BTG4: variants seen among roughly 807,000 people sequenced by gnomAD.
BTG4 encodes the protein protein BTG4.
In BTG4, 10 loss-of-function variants were observed where a neutral mutation model predicts 19.3. The observed-to-expected ratio is 0.52, with a 90% confidence interval of 0.32 to 0.88. BTG4 has a LOEUF of 0.88. BTG4 is among the 40% of genes least tolerant of loss of function. The probability of loss-of-function intolerance (pLI) is 0.04; values close to 1 mark genes in which losing one functional copy is unlikely to be tolerated. For missense variants in BTG4, 238 were observed against 281.9 expected, an observed-to-expected ratio of 0.84 and a Z score of 1.11; for synonymous variants, 91 against 95.7, an observed-to-expected ratio of 0.95 and a Z score of 0.29.
At chr11:111,437,804 C>T in the BTG4 span, among the ~76,000 whole-genome samples, 2 of 152,168 alleles carry the variant, frequency 1.3e-5, no homozygotes, top group Non-Finnish European at 2.9e-5. Context: ...CCCAGTTTCT[C>T]GTGTTGATAG....
At chr11:111,509,207 ATCT>A (rs1388949552) in intron 1 of BTG4, among the ~76,000 whole-genome samples, 2 of 152,194 alleles carry the variant, frequency 1.3e-5, no homozygotes, top group South Asian at 2.1e-4. Flanking sequence ...TCAAAAGAAA[ATCT>A]TCTCCCATAA....
chr11:111,487,895 A>T (rs1409054202), intron 5 of BTG4, among the ~76,000 whole-genome samples: 1 of 152,168 alleles, frequency 6.6e-6, no homozygotes, highest in Non-Finnish European at 1.5e-5. Context: ...GAATAAACTT[A>T]ACCAAAAAAG....
the BTG4 span, among the ~76,000 whole-genome samples, chr11:111,434,450 GA>G: frequency 6.6e-6 from 1 of 152,258 alleles, no homozygotes; most frequent in South Asian, 2.1e-4. Context: ...TAATGTAAAT[GA>G]TGAGTTGATG....
At chr11:111,426,607 A>C in the BTG4 span, among the ~76,000 whole-genome samples, 2 of 137,552 alleles carry the variant, frequency 1.5e-5, no homozygotes, top group East Asian at 4.3e-4. Flanking sequence ...TGCTCCAGAG[A>C]TCCTGACTCC....
downstream of BTG4, among the ~76,000 whole-genome samples, chr11:111,490,277 A>AGT (rs1865335160): frequency 2.0e-5 from 2 of 98,352 alleles, no homozygotes; most frequent in Non-Finnish European, 4.9e-5. Flanking sequence ...CCATCTCAAA[A>AGT]ATAAAAAAAA....
At chr11:111,482,774 G>T (rs916002507) in intron 5 of BTG4, among the ~76,000 whole-genome samples, 1 of 150,910 alleles carries the variant, frequency 6.6e-6, no homozygotes, top group Non-Finnish European at 1.5e-5. Context: ...TCTAAGTCTG[G>T]TATCTCATAC....
At chr11:111,484,334 T>C (rs1319290576) in intron 5 of BTG4, among the ~76,000 whole-genome samples, 1 of 152,186 alleles carries the variant, frequency 6.6e-6, no homozygotes, top group Non-Finnish European at 1.5e-5. Context: ...GTAGTTGCTC[T>C]AACAGTATAG....
At chr11:111,489,918 A>T (rs946580904), downstream of BTG4, among the ~76,000 whole-genome samples, 1 of 152,082 alleles carries the variant, frequency 6.6e-6, no homozygotes. Flanking sequence ...AATAATTAAG[A>T]TCTGGTACTT....
At chr11:111,478,861 CA>C (rs1356900742) in intron 5 of BTG4, among the ~76,000 whole-genome samples, 1 of 151,514 alleles carries the variant, frequency 6.6e-6, no homozygotes, top group African/African-American at 2.4e-5. Flanking sequence ...CATAGAGCAC[CA>C]GGGGCATATG....
At chr11:111,387,065 G>A in the BTG4 span, among the ~76,000 whole-genome samples, 4 of 152,170 alleles carry the variant, frequency 2.6e-5, no homozygotes, top group Non-Finnish European at 5.9e-5. Context: ...AGTAACTGTT[G>A]CATTGATAGG....
the BTG4 span, among the ~76,000 whole-genome samples, chr11:111,423,363 C>T: frequency 1.3e-5 from 2 of 152,268 alleles, no homozygotes; most frequent in East Asian, 3.8e-4. Flanking sequence ...AATCCTTTTA[C>T]ATCAGTGCCA....
At chr11:111,392,367 T>C in the BTG4 span, among the ~76,000 whole-genome samples, 16 of 151,866 alleles carry the variant, frequency 1.1e-4, no homozygotes, top group Non-Finnish European at 2.2e-4. Context: ...TTAGTAGAGA[T>C]GGGGTTTCAC....
intron 5 of BTG4, among the ~76,000 whole-genome samples, chr11:111,480,400 A>T (rs1864665876): frequency 6.6e-6 from 1 of 152,070 alleles, no homozygotes; most frequent in African/African-American, 2.4e-5. Flanking sequence ...TCAGCAATTT[A>T]TAGAACTAGA....
At chr11:111,481,998 T>A (rs1050693012) in intron 5 of BTG4, among the ~76,000 whole-genome samples, 1 of 151,672 alleles carries the variant, frequency 6.6e-6, no homozygotes, top group African/African-American at 2.4e-5. Context: ...AGAAATAAAA[T>A]GCATCCATAT....
chr11:111,433,691 A>G, the BTG4 span, among the ~76,000 whole-genome samples: 1 of 119,496 alleles, frequency 8.4e-6, no homozygotes, highest in African/African-American at 3.2e-5. Context: ...TTTACAAAGA[A>G]CTTAAACAAA....
the BTG4 span, chr11:111,455,461 G>C: frequency 4.3e-6 from 1 of 234,338 alleles, no homozygotes; most frequent in Non-Finnish European, 8.8e-6. Flanking sequence ...TACGCAGCCA[G>C]CCTTCGTCAC....
intron 1 of BTG4, among the ~76,000 whole-genome samples, chr11:111,501,400 G>A (rs1866072342): frequency 6.6e-6 from 1 of 152,214 alleles, no homozygotes; most frequent in African/African-American, 2.4e-5. Flanking sequence ...TTTCACTAGT[G>A]AAGAACTGAG....
chr11:111,466,457 T>C (rs978759815), downstream of BTG4, among the ~76,000 whole-genome samples: 1 of 152,206 alleles, frequency 6.6e-6, no homozygotes, highest in Non-Finnish European at 1.5e-5. Context: ...CTCAAGGAAA[T>C]AGAAGAAGAA....
the BTG4 span, among the ~76,000 whole-genome samples, chr11:111,405,475 AC>A: frequency 6.8e-6 from 1 of 147,172 alleles, no homozygotes; most frequent in Non-Finnish European, 1.5e-5. Context: ...TTGCAGAGTT[AC>A]CTGGCCTCGC....
Sources: gnomAD v4.1 joint callset for allele counts (sites outside exome capture counted in the v4.1 genomes callset) on GRCh38, gnomAD v4.1.1 for gene constraint, MANE v1.5 for transcripts, NCBI Gene and HGNC (gene_info 2026-07-23, HGNC 2026-07-21) for gene names.